MALRD1: variants seen among roughly 807,000 people sequenced by gnomAD.
MALRD1 encodes MAM and LDL-receptor class A domain-containing protein 1.
MALRD1 carries 247 observed loss-of-function variants against 242.1 expected under a neutral mutation model. The observed-to-expected ratio is 1.02, with a 90% CI of 0.92 to 1.13. The LOEUF is 1.13. Ranked by LOEUF, MALRD1 falls within the 50% of genes most tolerant of loss-of-function variation. MALRD1 has a pLI of 0.00. For missense variants in MALRD1, 2,989 were observed against 2,533.1 expected, an observed-to-expected ratio of 1.18 and a Z score of -3.86; for synonymous variants, 995 against 866.6, an observed-to-expected ratio of 1.15 and a Z score of -2.60.
chr10:19,664,863 A>AT (rs1225766036), intron 36 of MALRD1, among the ~76,000 whole-genome samples: 3 of 151,904 alleles, frequency 2.0e-5, no homozygotes, highest in Non-Finnish European at 4.4e-5. Context: ...TATCATGACC[A>AT]TTTTTTTGCA....
intron 29 of MALRD1, among the ~76,000 whole-genome samples, chr10:19,487,241 C>A (rs1837273498): frequency 6.6e-6 from 1 of 151,934 alleles, no homozygotes; most frequent in African/African-American, 2.4e-5. Context: ...TTATCATTAC[C>A]ATTTTGGCTG....
At chr10:19,550,355 T>G (rs1422578121) in intron 32 of MALRD1, among the ~76,000 whole-genome samples, 1 of 152,176 alleles carries the variant, frequency 6.6e-6, no homozygotes, top group Non-Finnish European at 1.5e-5. Context: ...AACTTTTTAA[T>G]TGTAAGTTCA....
At chr10:19,731,490 C>CGTGTGTGTGTGTG (rs1461371270) in intron 39 of MALRD1, among the ~76,000 whole-genome samples, 3 of 145,038 alleles carry the variant, frequency 2.1e-5, no homozygotes, top group African/African-American at 8.2e-5. Context: ...ACATAGTTTA[C>CGTGTGTGTGTGTG]TTTGTGTGTG....
chr10:19,195,144 G>A (rs1487591196), intron 14 of MALRD1, among the ~76,000 whole-genome samples: 1 of 152,120 alleles, frequency 6.6e-6, no homozygotes, highest in Non-Finnish European at 1.5e-5. Flanking sequence ...AGCGTACATA[G>A]TGTTCAGGAT....
chr10:19,068,535 G>A (rs1250889643), intron 2 of MALRD1, among the ~76,000 whole-genome samples: 1 of 152,026 alleles, frequency 6.6e-6, no homozygotes, highest in East Asian at 1.9e-4. Flanking sequence ...AATAATGCAA[G>A]CTGCATAGGA....
chr10:19,278,023 T>C (rs1840620762), intron 19 of MALRD1, among the ~76,000 whole-genome samples: 1 of 152,218 alleles, frequency 6.6e-6, no homozygotes, highest in African/African-American at 2.4e-5. Context: ...AGACATTTTA[T>C]ATCTTGTTAT....
chr10:19,535,577 G>GTA (rs563014323), intron 32 of MALRD1, among the ~76,000 whole-genome samples: 1,808 of 147,862 alleles, frequency 0.012, 13 homozygotes, highest in Non-Finnish European at 0.017. Context: ...ATGTATATAC[G>GTA]TATATATATA....
At chr10:19,466,589 C>T (rs561262561) in intron 29 of MALRD1, among the ~76,000 whole-genome samples, 2 of 152,262 alleles carry the variant, frequency 1.3e-5, no homozygotes, top group South Asian at 4.1e-4. Flanking sequence ...AGGCCTCTCT[C>T]CACGGCTTGA....
intron 14 of MALRD1, among the ~76,000 whole-genome samples, chr10:19,200,442 C>A (rs1836468028): frequency 6.6e-6 from 1 of 152,080 alleles, no homozygotes. Context: ...GGAGGTATTT[C>A]CTCCTATGAA....
intron 31 of MALRD1, among the ~76,000 whole-genome samples, chr10:19,504,664 A>AT (rs759213931): frequency 0.023 from 2,240 of 97,582 alleles, 377 homozygotes; most frequent in Non-Finnish European, 0.032. Flanking sequence ...ATTGTAACAC[A>AT]TTTTTTTTTT....
chr10:19,401,795 C>T (rs986213804), intron 28 of MALRD1, among the ~76,000 whole-genome samples: 12 of 149,712 alleles, frequency 8.0e-5, no homozygotes, highest in East Asian at 5.9e-4. Context: ...TCTAGTGATA[C>T]GACTTTAAGA....
rs74889630 is a variant in MALRD1 at position 19,453,467 on chromosome 10, A to G, written c.5029+2977A>G. On this transcript the variant is annotated intron_variant, in intron 29 of 39. Coordinates refer to ENST00000454679, the MANE Select transcript of MALRD1 (RefSeq NM_001142308.3). ...GATCATTGTACAACTTCATAAACAT[A>G]TTAGAAACATTAAATGTTATATGGC... is the stretch of plus-strand genomic sequence containing the variant. Among the ~76,000 whole-genome samples, 1,108 of 152,352 alleles carry G rather than the reference A, an allele frequency of 7.3e-3. 14 individuals carry two copies. The highest frequency in any genetic ancestry group is 0.024 in the Admixed American group (373 of 15,308).
At chr10:19,335,614 A>C (rs971126095) in intron 24 of MALRD1, among the ~76,000 whole-genome samples, 5 of 152,132 alleles carry the variant, frequency 3.3e-5, no homozygotes, top group African/African-American at 1.2e-4. Context: ...CCAACCATGT[A>C]TTTGGGTTTA....
At chr10:19,417,414 GT>G (rs1197058284) in intron 28 of MALRD1, among the ~76,000 whole-genome samples, 1 of 152,096 alleles carries the variant, frequency 6.6e-6, no homozygotes, top group Non-Finnish European at 1.5e-5. Context: ...ATACTTAAGA[GT>G]TTTTGAAATA....
intron 36 of MALRD1, among the ~76,000 whole-genome samples, chr10:19,675,284 C>A (rs1842092320): frequency 6.6e-6 from 1 of 152,078 alleles, no homozygotes; most frequent in African/African-American, 2.4e-5. Context: ...TTATGAAGAA[C>A]TGAAATAAAT....
At chr10:19,415,659 G>T (rs1346434580) in intron 28 of MALRD1, among the ~76,000 whole-genome samples, 1 of 151,890 alleles carries the variant, frequency 6.6e-6, no homozygotes, top group East Asian at 1.9e-4. Context: ...TTTAAGAAAT[G>T]GGTCTAGAGA....
At chr10:19,375,836 C>G (rs937162173) in intron 26 of MALRD1, among the ~76,000 whole-genome samples, 3 of 152,166 alleles carry the variant, frequency 2.0e-5, no homozygotes, top group African/African-American at 7.2e-5. Flanking sequence ...AGAAAAATCT[C>G]CAGGCGGCCA....
Position 19,596,110 on chromosome 10 carries a change from T to C in MALRD1, c.5944+653T>C, listed in dbSNP as rs74933748. Among the ~76,000 whole-genome samples, 373 of 152,284 alleles carry C rather than the reference T, an allele frequency of 2.4e-3. 1 individual carries two copies. Among genetic ancestry groups the C allele is most frequent in the Non-Finnish European group, 4.4e-3 (299 of 68,028 alleles). On this transcript the variant is annotated intron_variant, in intron 34 of 39. Transcript: ENST00000454679. ...ACAAGGCTGTGATGATTTGAGCAAA[T>C]GCATGTAAAATTCCAGGCTGTGTAT...
At chr10:19,253,332 G>A (rs1017877639) in intron 18 of MALRD1, among the ~76,000 whole-genome samples, 1 of 151,972 alleles carries the variant, frequency 6.6e-6, no homozygotes, top group Non-Finnish European at 1.5e-5. Flanking sequence ...TTGAGAAAAA[G>A]ACATGAAAGT....
Sources: gnomAD v4.1 joint callset for allele counts (sites outside exome capture counted in the v4.1 genomes callset) on GRCh38, gnomAD v4.1.1 for gene constraint, MANE v1.5 for transcripts, NCBI Gene and HGNC (gene_info 2026-07-23, HGNC 2026-07-21) for gene names.